Variants in ZHX3 observed in about 807,000 individuals in gnomAD.
ZHX3 encodes the protein zinc fingers and homeoboxes protein 3.
ZHX3 carries 20 observed loss-of-function variants against 64.5 expected under a neutral mutation model. The ratio of observed to expected loss-of-function variants is 0.31; its 90% confidence interval spans 0.22 to 0.45. ZHX3 has a LOEUF of 0.45. Ranked by LOEUF, ZHX3 falls within the 20% of genes least tolerant of loss-of-function variation. The pLI is 1.00. For missense variants in ZHX3, 1,041 were observed against 1,195.8 expected, an observed-to-expected ratio of 0.87 and a Z score of 1.91; for synonymous variants, 423 against 461.6, an observed-to-expected ratio of 0.92 and a Z score of 1.07.
chr20:41,211,418 T>A (rs2039149580), intron 2 of ZHX3, among the ~76,000 whole-genome samples: 1 of 152,082 alleles, frequency 6.6e-6, no homozygotes, highest in Non-Finnish European at 1.5e-5. Context: ...AGGGTAAACA[T>A]AAACCCACTC....
At chr20:41,233,699 G>T (rs112643817) in intron 2 of ZHX3, among the ~76,000 whole-genome samples, 1 of 152,154 alleles carries the variant, frequency 6.6e-6, no homozygotes, top group African/African-American at 2.4e-5. Context: ...AGAGGAAAAA[G>T]GCAATGGAGA....
chr20:41,196,530 T>A (rs1214316899), intron 3 of ZHX3: 2 of 69,418 alleles, frequency 2.9e-5, no homozygotes, highest in African/African-American at 6.1e-5. Flanking sequence ...TATTATATAT[T>A]ATATAAATAT....
At chr20:41,251,028 T>C (rs1182179016) in intron 2 of ZHX3, among the ~76,000 whole-genome samples, 1 of 151,940 alleles carries the variant, frequency 6.6e-6, no homozygotes, top group East Asian at 1.9e-4. Context: ...AATAAAACCA[T>C]GGAGGCCAGA....
At chr20:41,247,437 T>G (rs918838606) in intron 2 of ZHX3, among the ~76,000 whole-genome samples, 4 of 152,118 alleles carry the variant, frequency 2.6e-5, no homozygotes. Flanking sequence ...CTCCCAAACC[T>G]CAGTTCTCTT....
In ZHX3 at chr20:41,181,661, G is replaced by A. The variant is rs1568771254; in HGVS notation, c.*3530C>T. Reference sequence around the variant, plus strand: ...GATGTCCCAGAGCCAGGAGAGAGAGGGAGAGAACACAGGACCTGCCCCTAG... The same window carrying A: ...GATGTCCCAGAGCCAGGAGAGAGAGAGAGAGAACACAGGACCTGCCCCTAG... On this transcript the variant is annotated 3_prime_UTR_variant, in exon 4 of 4. Transcript: ENST00000683867. 2 of 152,270 alleles carry A rather than the reference G, an allele frequency of 1.3e-5. No homozygotes were observed. The highest frequency in any genetic ancestry group is 2.4e-5 in the African/African-American group (1 of 41,428). The allele number at this position is 152,270 out of a possible 1,614,324, so 9.4% of individuals were successfully genotyped here. A position where few individuals can be genotyped will look rare whatever the true frequency, so the allele number is the denominator to read the frequency against.
In ZHX3 at chr20:41,232,109, G is replaced by T. The variant is rs2040645987; in HGVS notation, c.-150-27043C>A. Among the ~76,000 whole-genome samples the T allele has an allele frequency of 6.6e-6, 1 of 152,128 alleles. No individual in the cohort carries two copies. The highest frequency in any genetic ancestry group is 1.5e-5 in the Non-Finnish European group (1 of 68,022). On this transcript the variant is annotated intron_variant, in intron 2 of 3. Transcript: ENST00000683867. This position sits in a 1 kb window ranked among gnomAD's most constrained non-coding sequence, Gnocchi z 5.0. Reference sequence around the variant, plus strand: ...AAGCCACCAAGATGATTAAAGGGTTGGAAAATGAGATTTATGGGTAATGGC... The same window carrying T: ...AAGCCACCAAGATGATTAAAGGGTTTGAAAATGAGATTTATGGGTAATGGC...
intron 2 of ZHX3, among the ~76,000 whole-genome samples, chr20:41,245,707 C>T (rs903890171): frequency 2.0e-5 from 3 of 152,232 alleles, no homozygotes; most frequent in Admixed American, 6.5e-5. Context: ...AAATGTGCTA[C>T]AGCTCCACAG....
intron 2 of ZHX3, among the ~76,000 whole-genome samples, chr20:41,229,290 C>T (rs991106808): frequency 1.3e-5 from 2 of 152,146 alleles, no homozygotes; most frequent in African/African-American, 4.8e-5. Flanking sequence ...GTATATACAA[C>T]ATTTTATCCA....
intron 1 of ZHX3, among the ~76,000 whole-genome samples, chr20:41,314,079 T>G (rs533666341): frequency 2.0e-5 from 3 of 152,314 alleles, no homozygotes; most frequent in African/African-American, 7.2e-5. Flanking sequence ...AAAAAGTCAC[T>G]AAAATGAAAA....
chr20:41,256,592 T>A (rs749727652), intron 2 of ZHX3, among the ~76,000 whole-genome samples: 43 of 150,450 alleles, frequency 2.9e-4, no homozygotes, highest in Non-Finnish European at 1.0e-4. Flanking sequence ...GGTTGCTGCA[T>A]AAGGAACAAA....
At chr20:41,234,149 C>T (rs1301950292) in intron 2 of ZHX3, among the ~76,000 whole-genome samples, 5 of 152,290 alleles carry the variant, frequency 3.3e-5, no homozygotes, top group East Asian at 1.9e-4. Flanking sequence ...CAGCCTCACT[C>T]GGGCCCAACT....
chr20:41,194,533 T>C (rs964921140), intron 3 of ZHX3, among the ~76,000 whole-genome samples: 1 of 144,186 alleles, frequency 6.9e-6, no homozygotes, highest in Non-Finnish European at 1.5e-5. Context: ...TAGATTTCTT[T>C]TCTTGTAGTG....
At position 41,219,484 on chromosome 20, in the gene ZHX3, G is replaced by C. The variant is rs1465511693; in HGVS notation, c.-150-14418C>G. ...CTATACCTGAAGATCTCCAAAGATA[G>C]GGAGCTTGGCACTTATTGACACTAG... On this transcript the variant is annotated intron_variant, in intron 2 of 3. Coordinates refer to ENST00000683867, the MANE Select transcript of ZHX3 (RefSeq NM_001384317.1). The surrounding 1 kb of genome is among the most constrained non-coding windows in gnomAD (Gnocchi z 5.0). Among the ~76,000 whole-genome samples, 1 of 152,186 alleles carries C rather than the reference G, an allele frequency of 6.6e-6. No homozygotes were observed. The highest frequency in any genetic ancestry group is 1.5e-5 in the Non-Finnish European group (1 of 68,024).
At chr20:41,308,480 G>A (rs1270522253) in intron 1 of ZHX3, among the ~76,000 whole-genome samples, 1 of 152,212 alleles carries the variant, frequency 6.6e-6, no homozygotes, top group Non-Finnish European at 1.5e-5. Context: ...TTAGGCTCAA[G>A]GTCCATAGCA....
intron 3 of ZHX3, among the ~76,000 whole-genome samples, chr20:41,199,024 G>C (rs796521026): frequency 2.6e-5 from 4 of 151,374 alleles, no homozygotes; most frequent in African/African-American, 9.7e-5. Flanking sequence ...CCCTCTAGTG[G>C]GTTTTCCATT....
chr20:41,196,385 ATATATATTTATATATAT>A (rs1428326371), intron 3 of ZHX3, among the ~76,000 whole-genome samples: 2 of 55,740 alleles, frequency 3.6e-5, no homozygotes, highest in Non-Finnish European at 5.4e-5. Flanking sequence ...TATAACATAA[ATATATATTTATATATAT>A]TATATATTAT....
chr20:41,282,359 A>ATATTTTTTTTT (rs1442916638), intron 1 of ZHX3, among the ~76,000 whole-genome samples: 1 of 60,704 alleles, frequency 1.6e-5, no homozygotes, highest in African/African-American at 8.1e-5. Flanking sequence ...GACACAATTC[A>ATATTTTTTTTT]TCTTTTTTTT....
chr20:41,275,026 G>A (rs2043314144), intron 1 of ZHX3, among the ~76,000 whole-genome samples: 2 of 151,960 alleles, frequency 1.3e-5, no homozygotes, highest in African/African-American at 2.4e-5. Flanking sequence ...GCGTGGAGGC[G>A]GGCACCTGTT....
At chr20:41,235,585 A>T (rs931138310) in intron 2 of ZHX3, among the ~76,000 whole-genome samples, 2 of 152,240 alleles carry the variant, frequency 1.3e-5, no homozygotes, top group African/African-American at 4.8e-5. Flanking sequence ...TTAATGCTAA[A>T]AACTCTCAAT....
Sources: allele counts gnomAD v4.1 joint callset (sites outside exome capture counted in the v4.1 genomes callset), GRCh38; gene constraint gnomAD v4.1.1; non-coding constraint Gnocchi (gnomAD v3.1); transcripts MANE v1.5; gene names NCBI Gene and HGNC (gene_info 2026-07-23, HGNC 2026-07-21).